PTPRM: variants seen among roughly 807,000 people sequenced by gnomAD.
PTPRM encodes protein tyrosine phosphatase receptor type M, also known as receptor-type tyrosine-protein phosphatase mu.
A neutral mutation model predicts 186.7 loss-of-function variants in PTPRM; 47 were observed. That is an observed-to-expected ratio of 0.25 (90% CI 0.20 to 0.32). PTPRM has a LOEUF of 0.32. Among genes scored for constraint, PTPRM ranks in the 10% least tolerant of loss-of-function variants. The pLI is 1.00. For synonymous variants in PTPRM, 668 were observed against 674.9 expected, an observed-to-expected ratio of 0.99 and a Z score of 0.16; for missense variants, 1,494 against 1,865.0, an observed-to-expected ratio of 0.80 and a Z score of 3.66.
intron 2 of PTPRM, among the ~76,000 whole-genome samples, chr18:7,858,612 A>G (rs973193439): frequency 6.6e-6 from 1 of 152,208 alleles, no homozygotes; most frequent in Admixed American, 6.5e-5. Flanking sequence ...TATTGTTGTG[A>G]TGAGAATTAC....
At chr18:8,343,263 TAGAA>T (rs1364055682) in intron 22 of PTPRM, among the ~76,000 whole-genome samples, 156 bp from the exon 23 acceptor site, 1 of 152,230 alleles carries the variant, frequency 6.6e-6, no homozygotes, top group Admixed American at 6.5e-5. Flanking sequence ...GGTGCAGTTT[TAGAA>T]AGAGTATCTT....
intron 1 of PTPRM, among the ~76,000 whole-genome samples, chr18:7,706,018 A>G (rs1256510064): frequency 2.7e-5 from 4 of 148,294 alleles, no homozygotes; most frequent in Admixed American, 6.8e-5. Context: ...TATATATACT[A>G]TAATAGAAAA....
At chr18:7,821,987 G>A (rs1484619770) in intron 2 of PTPRM, among the ~76,000 whole-genome samples, 4 of 152,164 alleles carry the variant, frequency 2.6e-5, no homozygotes, top group African/African-American at 7.2e-5. Flanking sequence ...TGACACCATG[G>A]AAAACAAAGC....
chr18:8,390,519 G>A (rs2095804082), intron 31 of PTPRM, among the ~76,000 whole-genome samples: 1 of 152,188 alleles, frequency 6.6e-6, no homozygotes, highest in Non-Finnish European at 1.5e-5. Flanking sequence ...ACATGTGTCT[G>A]ACAAAGGACT....
intron 3 of PTPRM, among the ~76,000 whole-genome samples, chr18:7,905,699 G>A (rs1362908712): frequency 6.6e-6 from 1 of 152,108 alleles, no homozygotes; most frequent in Non-Finnish European, 1.5e-5. Context: ...TCTTCACACT[G>A]TTAGCTCCTT....
intron 7 of PTPRM, among the ~76,000 whole-genome samples, chr18:7,962,830 A>G (rs987276913): frequency 1.5e-4 from 23 of 152,364 alleles, no homozygotes; most frequent in Middle Eastern, 3.4e-3. Flanking sequence ...TGTTTTCTGT[A>G]CAGAATTATC....
chr18:8,048,297 G>A (rs921265846), intron 7 of PTPRM, among the ~76,000 whole-genome samples: 4 of 151,552 alleles, frequency 2.6e-5, no homozygotes, highest in Non-Finnish European at 4.4e-5. Flanking sequence ...TTTTTCTTAA[G>A]TTGTTTTATT....
intron 1 of PTPRM, among the ~76,000 whole-genome samples, chr18:7,730,504 A>G (rs1003814616): frequency 6.6e-6 from 1 of 152,204 alleles, no homozygotes; most frequent in Admixed American, 6.5e-5. Context: ...TTAGCACTCA[A>G]CAAACACCTG....
At position 8,318,979 on chromosome 18, in the gene PTPRM, T is replaced by G. The variant is rs557965926; in HGVS notation, c.2920-199T>G. On this transcript the variant is annotated intron_variant, in intron 21 of 32. Coordinates refer to ENST00000580170, the MANE Select transcript of PTPRM (RefSeq NM_001105244.2). ...ATGATTAAGTTACCCACACCTTTGG[T>G]GCAAGCATCAGAACTGTTGTATTTG... 9.2e-5 allele frequency among the ~76,000 whole-genome samples: 14 copies of G among 152,346 alleles called. No homozygotes were observed. In the South Asian group the frequency reaches 2.9e-3, roughly 32 times the overall value.
chr18:8,369,131 G>A (rs775353430), intron 23 of PTPRM, among the ~76,000 whole-genome samples: 12 of 152,164 alleles, frequency 7.9e-5, no homozygotes, highest in South Asian at 4.1e-4. Flanking sequence ...GGATCATGGG[G>A]TATGTTTGGG....
intron 7 of PTPRM, among the ~76,000 whole-genome samples, chr18:7,978,983 C>T (rs987205226): frequency 3.3e-5 from 5 of 152,168 alleles, no homozygotes; most frequent in Non-Finnish European, 5.9e-5. Flanking sequence ...TGTATTTTCA[C>T]TGAGCCATAG....
intron 11 of PTPRM, among the ~76,000 whole-genome samples, chr18:8,108,635 C>A (rs1330890078): frequency 6.6e-6 from 1 of 152,162 alleles, no homozygotes; most frequent in East Asian, 1.9e-4. Flanking sequence ...TTCAGATGTT[C>A]TTTTCTAGAT....
intron 13 of PTPRM, among the ~76,000 whole-genome samples, chr18:8,139,876 C>T (rs969064445): frequency 1.3e-5 from 2 of 152,164 alleles, no homozygotes; most frequent in African/African-American, 2.4e-5. Flanking sequence ...GTCTGTCTTC[C>T]CCACAAGGAT....
chr18:8,063,065 C>A (rs1268944851), intron 7 of PTPRM, among the ~76,000 whole-genome samples: 4 of 151,416 alleles, frequency 2.6e-5, no homozygotes, highest in East Asian at 1.9e-4. Context: ...GCCTCGCTGC[C>A]GCCTTGCAGT....
intron 22 of PTPRM, among the ~76,000 whole-genome samples, chr18:8,341,195 A>C (rs1207596459): frequency 1.3e-5 from 2 of 152,238 alleles, no homozygotes; most frequent in Non-Finnish European, 2.9e-5. Flanking sequence ...ATAATCTTAG[A>C]AATGTAAGTC....
chr18:8,121,774 TA>T (rs1185614376), intron 13 of PTPRM: 47 of 152,272 alleles, frequency 3.1e-4, no homozygotes, highest in African/African-American at 1.1e-3. Context: ...AGGGATTTAG[TA>T]AGAAGAGAAA....
chr18:7,686,695 T>G (rs1465551592), intron 1 of PTPRM, among the ~76,000 whole-genome samples: 1 of 152,214 alleles, frequency 6.6e-6, no homozygotes, highest in Non-Finnish European at 1.5e-5. Context: ...CTCATTCTAT[T>G]TGTTGCATGA....
chr18:7,579,949 T>A (rs757287603), intron 1 of PTPRM, among the ~76,000 whole-genome samples: 2 of 152,202 alleles, frequency 1.3e-5, no homozygotes, highest in Non-Finnish European at 2.9e-5. Context: ...ATTGGTCTGT[T>A]AAAGCACTTG....
intron 15 of PTPRM, 118 bp from the exon 16 acceptor site, chr18:8,247,727 A>G (rs2094490818): frequency 2.9e-6 from 2 of 685,094 alleles, no homozygotes; most frequent in Admixed American, 4.7e-5. Flanking sequence ...CATAGACATC[A>G]GTGAGTCCCG....
Sources: allele counts gnomAD v4.1 joint callset (sites outside exome capture counted in the v4.1 genomes callset), GRCh38; gene constraint gnomAD v4.1.1; transcripts MANE v1.5; gene names NCBI Gene and HGNC (gene_info 2026-07-23, HGNC 2026-07-21).